The following POLR1C variants were observed in gnomAD, a reference collection of about 807,000 sequenced individuals.
POLR1C encodes RNA polymerase I and III subunit C.
POLR1C carries 42 observed loss-of-function variants against 38.3 expected under a neutral mutation model. The observed-to-expected ratio is 1.10, with a 90% CI of 0.86 to 1.42. The LOEUF (loss-of-function observed/expected upper bound fraction) is 1.42, where lower values mean the gene tolerates loss of function less well. Ranked by LOEUF, POLR1C falls within the 40% of genes most tolerant of loss-of-function variation. The pLI is 0.00. For missense variants in POLR1C, 507 were observed against 450.5 expected, an observed-to-expected ratio of 1.13 and a Z score of -1.14; for synonymous variants, 163 against 163.9, an observed-to-expected ratio of 0.99 and a Z score of 0.04.
intron 10 of POLR1C, chr6:43,560,783 T>C: frequency 2.8e-6 from 2 of 713,822 alleles, no homozygotes; most frequent in South Asian, 1.8e-5. Context: ...AATAATTCTC[T>C]TAATGAAATG....
chr6:43,541,337 T>C (rs1292423339), intron 9 of POLR1C, among the ~76,000 whole-genome samples: 1 of 152,234 alleles, frequency 6.6e-6, no homozygotes, highest in African/African-American at 2.4e-5. Flanking sequence ...GTGATTATTA[T>C]TATGCATTGC....
downstream of POLR1C, chr6:43,531,469 G>T: frequency 1.9e-6 from 3 of 1,608,804 alleles, no homozygotes; most frequent in South Asian, 1.1e-5. Flanking sequence ...AGGCAGCATT[G>T]GTTCCTTACC....
At chr6:43,527,772 AAAGG>A in intron 8 of POLR1C, 1 of 1,607,226 alleles carries the variant, frequency 6.2e-7, no homozygotes. Context: ...GGAGTGCAGA[AAAGG>A]AAGGACAAGG....
chr6:43,549,125 G>C (rs539409165), intron 9 of POLR1C, among the ~76,000 whole-genome samples: 1 of 152,308 alleles, frequency 6.6e-6, no homozygotes, highest in Middle Eastern at 3.4e-3. Context: ...GCAATGGCGT[G>C]ATCTTGGCTC....
downstream of POLR1C, chr6:43,533,918 G>T: frequency 6.2e-7 from 1 of 1,602,568 alleles, no homozygotes; most frequent in Non-Finnish European, 8.5e-7. Flanking sequence ...TAATATAGCA[G>T]ATTTTTCCGC....
chr6:43,539,123 C>T (rs539196130), intron 9 of POLR1C: 64 of 1,211,038 alleles, frequency 5.3e-5, no homozygotes, highest in South Asian at 7.5e-5. Context: ...AGGGATGAGG[C>T]GCACCAGCAC....
chr6:43,519,718 G>A lies in POLR1C; in HGVS notation c.262G>A (p.Ala88Thr). The change falls in exon 4 of 9, where the codon GCT (alanine) becomes ACT (threonine). Residue 88 changes from alanine to threonine, a missense_variant. By Grantham distance (58) the Ala-to-Thr change is moderately conservative. Transcript: ENST00000642195. ...RILLAEVPTMAVEKVLVYNNT... is the reference protein window; with the variant it reads ...RILLAEVPTMTVEKVLVYNNT... ...TTTCCTTGGGCAGGTGCCAACTATG[G>A]CTGTGGAGAAGGTCCTGGTGTACAA... The A allele has an allele frequency of 6.2e-7, 1 of 1,614,194 alleles. No individual in the cohort carries two copies. The highest frequency in any genetic ancestry group is 1.1e-5 in the South Asian group (1 of 91,080).
At chr6:43,555,914 G>T (rs1296637130) in intron 10 of POLR1C, 2 of 1,613,840 alleles carry the variant, frequency 1.2e-6, no homozygotes, top group Admixed American at 3.3e-5. Flanking sequence ...CTAGTTTTGG[G>T]ATCCAAACGA....
chr6:43,555,735 G>A (rs1762045866), intron 10 of POLR1C: 2 of 1,440,554 alleles, frequency 1.4e-6, no homozygotes, highest in Admixed American at 2.2e-5. Flanking sequence ...AATAGTATAA[G>A]TATATCGTTC....
chr6:43,553,257 G>A (rs1795337239), intron 10 of POLR1C: 2 of 1,300,656 alleles, frequency 1.5e-6, no homozygotes, highest in Non-Finnish European at 2.1e-6. Flanking sequence ...AGCTATGATT[G>A]TGCCACTGCA....
At chr6:43,525,656 G>C (rs1166739798), downstream of POLR1C, 1 of 620,822 alleles carries the variant, frequency 1.6e-6, no homozygotes, top group Admixed American at 3.0e-5. Flanking sequence ...GCCTATGCTG[G>C]TATGGGAGAC....
chr6:43,517,193 C>T lies in POLR1C; in HGVS notation c.69+15C>T. On this transcript the variant is annotated intron_variant, in intron 1 of 8. Coordinates refer to ENST00000642195, the MANE Select transcript of POLR1C (RefSeq NM_203290.4). ...GGGTTCGCAATGTAAGCCTTGTGGCCTTGAGCTCGGGCGGGAGGAATGAGA... is the reference window on the plus strand; with the variant it reads ...GGGTTCGCAATGTAAGCCTTGTGGCTTTGAGCTCGGGCGGGAGGAATGAGA... The T allele has an allele frequency of 6.2e-7, 1 of 1,613,662 alleles. No individual in the cohort carries two copies. The highest frequency in any genetic ancestry group is 8.5e-7 in the Non-Finnish European group (1 of 1,179,716).
At chr6:43,547,091 CTTT>C (rs1350095976) in intron 9 of POLR1C, among the ~76,000 whole-genome samples, 1 of 152,204 alleles carries the variant, frequency 6.6e-6, no homozygotes, top group Non-Finnish European at 1.5e-5. Context: ...ACTTCATCTT[CTTT>C]GAGTTGACCC....
intron 9 of POLR1C, among the ~76,000 whole-genome samples, chr6:43,543,863 G>C (rs1794835097): frequency 6.6e-6 from 1 of 151,964 alleles, no homozygotes; most frequent in African/African-American, 2.4e-5. Flanking sequence ...TTTTAGTAGA[G>C]GTGGGGTTTC....
Position 43,517,161 on chromosome 6 carries a change from G to C in POLR1C, c.52G>C (p.Glu18Gln). Residue 18 changes from glutamate (E) to glutamine (Q), a missense_variant, in exon 1 of 9, where the codon GAG becomes CAG. Coordinates refer to ENST00000642195, the MANE Select transcript of POLR1C (RefSeq NM_203290.4). ...AATGCGGAGCCGCGTGGTTCTGGGG[G>C]AGTTTGGGGTTCGCAATGTAAGCCT... ...EEMRSRVVLGEFGVRNVHTTD... is the reference protein window; with the variant it reads ...EEMRSRVVLGQFGVRNVHTTD... 1.2e-6 allele frequency: 2 copies of C among 1,614,162 alleles called. No homozygotes were observed. Among genetic ancestry groups the C allele is most frequent in the Non-Finnish European group, 1.7e-6 (2 of 1,180,022 alleles).
At chr6:43,528,733 G>GA in intron 8 of POLR1C, 1 of 1,221,222 alleles carries the variant, frequency 8.2e-7, no homozygotes. Context: ...AGGGCTAGTA[G>GA]ACAACACTTC....
chr6:43,552,886 T>TA (rs1795317285), intron 10 of POLR1C, among the ~76,000 whole-genome samples: 6 of 152,310 alleles, frequency 3.9e-5, no homozygotes, highest in Admixed American at 3.9e-4. Context: ...TGGTAGTGCT[T>TA]AGAGTTAGAA....
chr6:43,517,859 A>G lies in POLR1C; in HGVS notation c.141+482A>G, dbSNP rs191240776. Among the ~76,000 whole-genome samples, 177 of 152,338 alleles carry G rather than the reference A, an allele frequency of 1.2e-3. No homozygotes were observed. The South Asian group carries it at 0.014, about 12-fold the overall frequency. ...TGTATTGTTTCACTTAGCTTAAAAT[A>G]AGGGTTAAAATTGCATTTAAATAGA... On this transcript the variant is annotated intron_variant, in intron 2 of 8. Coordinates refer to ENST00000642195, the MANE Select transcript of POLR1C (RefSeq NM_203290.4).
intron 8 of POLR1C, chr6:43,527,176 A>G (rs576094667): frequency 7.5e-4 from 159 of 213,120 alleles, no homozygotes; most frequent in African/African-American, 3.4e-3. Context: ...TTGTTTCCCC[A>G]TATTCAGCTT....
Sources: allele counts gnomAD v4.1 joint callset (sites outside exome capture counted in the v4.1 genomes callset), GRCh38; gene constraint gnomAD v4.1.1; transcripts MANE v1.5; gene names NCBI Gene and HGNC (gene_info 2026-07-23, HGNC 2026-07-21).